Variants in TRIM33 observed in about 807,000 individuals in gnomAD.
TRIM33 encodes E3 ubiquitin-protein ligase TRIM33.
TRIM33 carries 20 observed loss-of-function variants against 125.4 expected under a neutral mutation model. That is an observed-to-expected ratio of 0.16 (90% CI 0.11 to 0.23). The LOEUF (loss-of-function observed/expected upper bound fraction) is 0.23, where lower values mean the gene tolerates loss of function less well. TRIM33 is among the 10% of genes least tolerant of loss of function. The pLI is 1.00. For synonymous variants in TRIM33, 564 were observed against 513.9 expected (o/e 1.10, Z -1.32); for missense variants, 920 against 1,411.4 (o/e 0.65, Z 5.58).
At position 114,425,798 on chromosome 1, in the gene TRIM33, T is replaced by C. The variant is rs1289486347; in HGVS notation, c.1421-75A>G. On this transcript the variant is annotated intron_variant, in intron 8 of 19. Transcript: ENST00000358465. ...ACTTTGTTGAGTAATCACCATGTTT[T>C]CCTCTTTCCTCTGACAACTATCAGC... 9 of 1,078,638 alleles carry C rather than the reference T, an allele frequency of 8.3e-6. No homozygotes were observed. In the Admixed American group the frequency reaches 2.2e-4, roughly 27 times the overall value. 66.8% of individuals were successfully genotyped at this position (1,078,638 alleles called of 1,614,324 possible).
chr1:114,423,244 T>A (rs1351480399), intron 10 of TRIM33, among the ~76,000 whole-genome samples: 3 of 152,112 alleles, frequency 2.0e-5, no homozygotes, highest in Non-Finnish European at 4.4e-5. Flanking sequence ...CACTGGAAAT[T>A]TAACAATTTA....
Position 114,397,411 on chromosome 1 carries a change from A to C in TRIM33, c.*237T>G. On this transcript the variant is annotated 3_prime_UTR_variant, in exon 20 of 20. Coordinates refer to ENST00000358465, the MANE Select transcript of TRIM33 (RefSeq NM_015906.4). ...AGAACAGAAATCCTCAAATCATTTC[A>C]CTTTTGCTTTTTGCTTTGAAACTTG... 1 of 522,482 alleles carries C rather than the reference A, an allele frequency of 1.9e-6. No individual in the cohort carries two copies. Among genetic ancestry groups the C allele is most frequent in the South Asian group, 2.6e-5 (1 of 38,552 alleles). 32.4% of individuals were successfully genotyped at this position (522,482 alleles called of 1,614,324 possible). A position where few individuals can be genotyped will look rare whatever the true frequency, so the allele number is the denominator to read the frequency against.
intron 1 of TRIM33, among the ~76,000 whole-genome samples, chr1:114,471,006 C>T (rs1282460506): frequency 1.3e-5 from 2 of 152,158 alleles, no homozygotes; most frequent in Non-Finnish European, 1.5e-5. Flanking sequence ...ATATTGTTGT[C>T]CAGGCTGGTC....
intron 4 of TRIM33, among the ~76,000 whole-genome samples, chr1:114,451,187 GATTTT>G (rs1165016031): frequency 6.6e-6 from 1 of 152,024 alleles, no homozygotes; most frequent in Non-Finnish European, 1.5e-5. Context: ...GTGCCTCTCT[GATTTT>G]ATTTCTCCAG....
At chr1:114,462,909 A>G (rs1242061653) in intron 4 of TRIM33, among the ~76,000 whole-genome samples, 195 bp downstream of exon 4, 1 of 152,228 alleles carries the variant, frequency 6.6e-6, no homozygotes, top group African/African-American at 2.4e-5. Context: ...AAACATTCAT[A>G]AGACAATTAG....
In TRIM33 at chr1:114,430,897, A is replaced by G; in HGVS notation, c.1056T>C (p.Asn352=). The G allele has an allele frequency of 6.3e-7, 1 of 1,591,038 alleles. No homozygotes were observed. Among genetic ancestry groups the G allele is most frequent in the Non-Finnish European group, 8.6e-7 (1 of 1,159,358 alleles). Residue 352 remains asparagine (N), a synonymous_variant, in exon 6 of 20, where the codon AAT becomes AAC. Transcript: ENST00000358465. The part of the protein sequence containing the change: ...TQVQNRIKEV[N]ETNKRVEQEI... ...CCTGTTCTACTCGTTTGTTAGTCTCATTTACTTCTTTTATCCTGAATAAGA... is the reference window on the plus strand; with the variant it reads ...CCTGTTCTACTCGTTTGTTAGTCTCGTTTACTTCTTTTATCCTGAATAAGA...
At chr1:114,465,668 T>A (rs1362784963) in intron 1 of TRIM33, among the ~76,000 whole-genome samples, 1 of 152,070 alleles carries the variant, frequency 6.6e-6, no homozygotes, top group African/African-American at 2.4e-5. Flanking sequence ...AATTAAAAAA[T>A]AACTACTGTT....
intron 15 of TRIM33, chr1:114,404,206 C>G (rs999437307): frequency 6.6e-6 from 1 of 152,190 alleles, no homozygotes; most frequent in Non-Finnish European, 1.5e-5. Context: ...ACAATCTCGG[C>G]TCATGGCAAC....
At chr1:114,500,598 A>AT (rs1401396517) in intron 1 of TRIM33, among the ~76,000 whole-genome samples, 1 of 150,934 alleles carries the variant, frequency 6.6e-6, no homozygotes, top group Non-Finnish European at 1.5e-5. Context: ...GGAAAAAGAA[A>AT]TTTTTTAATT....
In TRIM33 at chr1:114,393,974, T is replaced by C. The variant is rs1207201376; in HGVS notation, c.*3674A>G. On this transcript the variant is annotated 3_prime_UTR_variant, in exon 20 of 20. Coordinates refer to ENST00000358465, the MANE Select transcript of TRIM33 (RefSeq NM_015906.4). ...AGGCAACAGACTCAAAGCAGTGTTA[T>C]TGCTTTATCAAGGAGGAGATTAACT... The C allele has an allele frequency of 8.9e-6, 2 of 224,472 alleles. No individual in the cohort carries two copies. The highest frequency in any genetic ancestry group is 1.8e-5 in the Non-Finnish European group (2 of 112,328). The allele number at this position is 224,472 out of a possible 1,614,324, so 13.9% of individuals were successfully genotyped here.
At chr1:114,435,528 G>A (rs1466743238) in intron 4 of TRIM33, among the ~76,000 whole-genome samples, 3 of 152,156 alleles carry the variant, frequency 2.0e-5, no homozygotes, top group African/African-American at 7.2e-5. Flanking sequence ...AGGCAGACAA[G>A]AGGAAAGACT....
intron 4 of TRIM33, among the ~76,000 whole-genome samples, chr1:114,445,940 C>T (rs1187336620): frequency 3.9e-5 from 6 of 152,138 alleles, no homozygotes; most frequent in African/African-American, 7.2e-5. Context: ...TCACTGCAAC[C>T]TCCGCCTCCT....
chr1:114,491,798 T>C (rs1652087461), intron 1 of TRIM33, among the ~76,000 whole-genome samples: 1 of 152,158 alleles, frequency 6.6e-6, no homozygotes, highest in African/African-American at 2.4e-5. Flanking sequence ...AGCAAGACCC[T>C]GTCTCAAAAT....
intron 1 of TRIM33, among the ~76,000 whole-genome samples, chr1:114,503,434 C>CG (rs1455137946): frequency 6.6e-6 from 1 of 152,194 alleles, no homozygotes; most frequent in East Asian, 1.9e-4. Flanking sequence ...GCCAAGATTG[C>CG]GCCACTGCAC....
At chr1:114,413,771 A>T (rs919116908) in intron 11 of TRIM33, among the ~76,000 whole-genome samples, 1 of 151,896 alleles carries the variant, frequency 6.6e-6, no homozygotes, top group African/African-American at 2.4e-5. Flanking sequence ...TAATCACAAC[A>T]CTTTCGGATA....
intron 18 of TRIM33, among the ~76,000 whole-genome samples, chr1:114,399,211 C>T (rs1651729273): frequency 6.6e-6 from 1 of 151,930 alleles, no homozygotes. Context: ...CATACTTATG[C>T]CAATCCTCAA....
chr1:114,433,559 C>T (rs1648099916), intron 5 of TRIM33, 58 bp downstream of exon 5: 1 of 1,046,156 alleles, frequency 9.6e-7, no homozygotes, highest in African/African-American at 1.6e-5. Context: ...CAGATTTAAA[C>T]TGGACCCACT....
chr1:114,504,976 C>A (rs564714350), intron 1 of TRIM33, among the ~76,000 whole-genome samples: 1 of 152,066 alleles, frequency 6.6e-6, no homozygotes, highest in Non-Finnish European at 1.5e-5. Flanking sequence ...GAAAAATTAC[C>A]GAAATAACAC....
intron 4 of TRIM33, among the ~76,000 whole-genome samples, chr1:114,445,151 C>A (rs1439947827): frequency 6.6e-6 from 1 of 152,070 alleles, no homozygotes; most frequent in Non-Finnish European, 1.5e-5. Flanking sequence ...AGAATAAATT[C>A]AAGAAAAATG....
Sources: allele counts gnomAD v4.1 joint callset (sites outside exome capture counted in the v4.1 genomes callset), GRCh38; gene constraint gnomAD v4.1.1; transcripts MANE v1.5; gene names NCBI Gene and HGNC (gene_info 2026-07-23, HGNC 2026-07-21).